The following FAM193A variants were observed in gnomAD, a reference collection of about 807,000 sequenced individuals.
FAM193A encodes the protein family with sequence similarity 193 member A.
A neutral mutation model predicts 126.5 loss-of-function variants in FAM193A; 22 were observed. The observed-to-expected ratio is 0.17, with a 90% CI of 0.12 to 0.25. The LOEUF (loss-of-function observed/expected upper bound fraction) is 0.25. Ranked by LOEUF, FAM193A falls within the 10% of genes least tolerant of loss-of-function variation. FAM193A has a pLI of 1.00. For synonymous variants in FAM193A, 761 were observed against 646.8 expected (o/e 1.18, Z -2.68); for missense variants, 1,675 against 1,672.8 (o/e 1.00, Z -0.02).
chr4:2,678,193 C>T (rs964937628), intron 13 of FAM193A, among the ~76,000 whole-genome samples: 1 of 151,956 alleles, frequency 6.6e-6, no homozygotes, highest in Non-Finnish European at 1.5e-5. Flanking sequence ...ACTGTGTTAG[C>T]CAGGATGGTC....
chr4:2,625,999 C>T (rs1742927636), intron 3 of FAM193A, among the ~76,000 whole-genome samples: 1 of 152,140 alleles, frequency 6.6e-6, no homozygotes, highest in Admixed American at 6.5e-5. Context: ...GCTGGGATTA[C>T]AGGCATGAGC....
chr4:2,565,853 A>G (rs1011760973), intron 1 of FAM193A, among the ~76,000 whole-genome samples: 31 of 152,310 alleles, frequency 2.0e-4, no homozygotes, highest in African/African-American at 6.3e-4. Flanking sequence ...GGCAAAGGTA[A>G]AAGCATTGCC....
chr4:2,608,240 G>A (rs1741658664), intron 2 of FAM193A: 3 of 886,426 alleles, frequency 3.4e-6, no homozygotes, highest in Non-Finnish European at 5.1e-6. Flanking sequence ...GTGCAGTGGT[G>A]CAATCCTGAT....
chr4:2,593,375 C>T (rs989528364), intron 1 of FAM193A, among the ~76,000 whole-genome samples: 4 of 152,222 alleles, frequency 2.6e-5, no homozygotes, highest in Non-Finnish European at 5.9e-5. Context: ...TTGTCAGCCC[C>T]ATGCCAGCCA....
intron 1 of FAM193A, among the ~76,000 whole-genome samples, chr4:2,540,688 C>T (rs1048409074): frequency 1.3e-5 from 2 of 151,984 alleles, no homozygotes; most frequent in Admixed American, 6.6e-5. Flanking sequence ...AGGCCGAGTG[C>T]GGTGGCTCAC....
At chr4:2,576,254 C>A (rs139621523) in intron 1 of FAM193A, among the ~76,000 whole-genome samples, 1 of 151,948 alleles carries the variant, frequency 6.6e-6, no homozygotes, top group South Asian at 2.1e-4. Context: ...CCCCCCACCA[C>A]GCCTGGCTAA....
chr4:2,610,885 G>GCAC (rs1177746490), intron 2 of FAM193A, among the ~76,000 whole-genome samples: 1 of 151,894 alleles, frequency 6.6e-6, no homozygotes, highest in Non-Finnish European at 1.5e-5. Context: ...TTACAGGCAT[G>GCAC]CACCACCACG....
chr4:2,675,178 G>A (rs1714254946), intron 13 of FAM193A, among the ~76,000 whole-genome samples: 1 of 152,140 alleles, frequency 6.6e-6, no homozygotes, highest in Non-Finnish European at 1.5e-5. Context: ...CTGTCTTGGT[G>A]AATGTTCCGT....
intron 13 of FAM193A, 91 bp downstream of exon 13, chr4:2,672,463 A>ACTT: frequency 7.1e-7 from 1 of 1,402,720 alleles, no homozygotes. Context: ...TGAATTAGCA[A>ACTT]CTTGCATAGG....
chr4:2,680,916 A>G (rs889979278), intron 13 of FAM193A, among the ~76,000 whole-genome samples: 9 of 152,238 alleles, frequency 5.9e-5, no homozygotes, highest in African/African-American at 2.2e-4. Flanking sequence ...TGCTGGGATT[A>G]CAGGCGTGAG....
rs946217373 is a variant in FAM193A, at chr4:2,537,080, G to A, written c.165G>A (p.Ala55=). ...CGGGCCTGGCGGCCCCGGGCAGCGC[G>A]GCAGGCCTGGTGGGCGGCGCGGCGG... The part of the protein sequence containing the change: ...QAAGLAAPGS[A]AGLVGGAAAA... Residue 55 remains alanine, a synonymous_variant, in exon 1 of 21, where the codon GCG becomes GCA. Transcript: ENST00000637812. 6.1e-5 allele frequency: 9 copies of A among 146,682 alleles called. No homozygotes were observed. The highest frequency in any genetic ancestry group is 2.0e-4 in the African/African-American group (8 of 40,614). The allele number at this position is 146,682 out of a possible 1,614,324, so 9.1% of individuals were successfully genotyped here.
chr4:2,687,860 T>C (rs1391715439), intron 13 of FAM193A, among the ~76,000 whole-genome samples: 2 of 152,154 alleles, frequency 1.3e-5, no homozygotes, highest in Non-Finnish European at 2.9e-5. Flanking sequence ...CTGCCCACAC[T>C]CAACCTGGAG....
At chr4:2,702,777 A>T (rs1161007141) in intron 19 of FAM193A, among the ~76,000 whole-genome samples, 1 of 150,922 alleles carries the variant, frequency 6.6e-6, no homozygotes, top group Admixed American at 6.6e-5. Flanking sequence ...CCGATGGAAA[A>T]CTCCGGGCAT....
intron 14 of FAM193A, 35 bp downstream of exon 14, chr4:2,689,739 A>T: frequency 6.8e-7 from 1 of 1,471,420 alleles, no homozygotes; most frequent in Non-Finnish European, 9.3e-7. Context: ...TGAAGTTTTA[A>T]AATAACCTGA....
chr4:2,682,105 C>T (rs1401666516), intron 13 of FAM193A, among the ~76,000 whole-genome samples: 2 of 151,696 alleles, frequency 1.3e-5, no homozygotes, highest in Non-Finnish European at 2.9e-5. Flanking sequence ...CTGCCTCAGC[C>T]TCCCAAGTAG....
intron 2 of FAM193A, among the ~76,000 whole-genome samples, chr4:2,596,686 C>T (rs1273970010): frequency 2.0e-5 from 3 of 152,194 alleles, no homozygotes; most frequent in Admixed American, 6.5e-5. Context: ...TAATTCTTTA[C>T]GCGATGCTCT....
rs1743529047 is a variant in FAM193A, at chr4:2,631,104, C to T, written c.973C>T (p.Leu325=). 1.9e-6 allele frequency: 3 copies of T among 1,613,814 alleles called. No homozygotes were observed. Among genetic ancestry groups the T allele is most frequent in the Non-Finnish European group, 2.5e-6 (3 of 1,179,984 alleles). Residue 325 remains leucine (L), a synonymous_variant, in exon 5 of 21, where the codon CTG becomes TTG. Coordinates refer to ENST00000637812, the MANE Select transcript of FAM193A (RefSeq NM_001366318.2). Reference sequence around the variant, plus strand: ...GCAAGCGCACCAGTTCATCTCCCTCCTGCTTGAGGAGTACGGCGCCCTCTG... The same window carrying T: ...GCAAGCGCACCAGTTCATCTCCCTCTTGCTTGAGGAGTACGGCGCCCTCTG... The part of the protein sequence containing the change: ...PPQAHQFISL[L]LEEYGALCQA...
At chr4:2,694,834 C>T (rs563181175) in intron 16 of FAM193A, 112 bp from the exon 17 acceptor site, 471 of 890,048 alleles carry the variant, frequency 5.3e-4, no homozygotes, top group Non-Finnish European at 4.4e-4. Flanking sequence ...GCACCCTCTG[C>T]GCTGCCTCTT....
chr4:2,614,656 C>T (rs557356522), intron 2 of FAM193A, among the ~76,000 whole-genome samples: 1 of 152,190 alleles, frequency 6.6e-6, no homozygotes, highest in African/African-American at 2.4e-5. Flanking sequence ...TTTGATTTTC[C>T]GGAAAGGAAA....
Sources: gnomAD v4.1 joint callset for allele counts (sites outside exome capture counted in the v4.1 genomes callset) on GRCh38, gnomAD v4.1.1 for gene constraint, MANE v1.5 for transcripts, NCBI Gene and HGNC (gene_info 2026-07-23, HGNC 2026-07-21) for gene names.